Variants in UPP2 observed in about 807,000 individuals in gnomAD.
UPP2 encodes UPase 2.
UPP2 carries 23 observed loss-of-function variants against 26.7 expected under a neutral mutation model. The ratio of observed to expected loss-of-function variants is 0.86; its 90% CI spans 0.62 to 1.22. The LOEUF (loss-of-function observed/expected upper bound fraction) is 1.22. UPP2 is among the 50% of genes most tolerant of loss of function. The pLI, the probability that UPP2 is intolerant of heterozygous loss-of-function variation, is 0.00. For synonymous variants in UPP2, 127 were observed against 141.3 expected (o/e 0.90, Z 0.72); for missense variants, 387 against 396.7 (o/e 0.98, Z 0.21).
At chr2:158,089,485 C>T (rs1008269054) in intron 3 of UPP2, among the ~76,000 whole-genome samples, 4 of 152,166 alleles carry the variant, frequency 2.6e-5, no homozygotes, top group African/African-American at 9.7e-5. Flanking sequence ...TCTGCACTCC[C>T]GATTCAACCA....
intron 3 of UPP2, among the ~76,000 whole-genome samples, chr2:158,045,687 G>A (rs1314476445): frequency 6.6e-6 from 1 of 152,216 alleles, no homozygotes; most frequent in African/African-American, 2.4e-5. Context: ...AGGAAACAGA[G>A]TTTGGGGAGT....
rs1051066126 is a variant in UPP2, at chr2:158,121,991, G to A, written c.664+373G>A. The stretch of plus-strand genomic sequence containing the variant: ...TACCTCAAAAATGATCCTGTCCCCC[G>A]GAAACAGTGGTCCAGAAAATGGGGA... On this transcript the variant is annotated intron_variant, in intron 5 of 6. Coordinates refer to ENST00000005756, the MANE Select transcript of UPP2 (RefSeq NM_173355.4). Among the ~76,000 whole-genome samples, 7 of 151,910 alleles carry A rather than the reference G, an allele frequency of 4.6e-5. No individual in the cohort carries two copies. In the East Asian group the frequency reaches 7.7e-4, roughly 17 times the overall value.
At position 158,120,574 on chromosome 2, in the gene UPP2, A is replaced by G. The variant is rs535464577; in HGVS notation, c.455-835A>G. 1.0e-3 allele frequency among the ~76,000 whole-genome samples: 154 copies of G among 152,134 alleles called. 2 individuals carry two copies. The highest frequency in any genetic ancestry group is 1.8e-3 in the Non-Finnish European group (119 of 67,922). ...AAGATAAACAAATGGGTAATTATAAAAAGTGTTAGGACAGAGAGAGTCTAG... is the reference window on the plus strand; with the variant it reads ...AAGATAAACAAATGGGTAATTATAAGAAGTGTTAGGACAGAGAGAGTCTAG... On this transcript the variant is annotated intron_variant, in intron 4 of 6. Coordinates refer to ENST00000005756, the MANE Select transcript of UPP2 (RefSeq NM_173355.4).
intron 3 of UPP2, among the ~76,000 whole-genome samples, chr2:158,025,089 C>G (rs1239931412): frequency 1.3e-5 from 2 of 151,420 alleles, no homozygotes; most frequent in Non-Finnish European, 2.9e-5. Context: ...GTAATCCCAG[C>G]TACTTGGGAG....
chr2:158,115,410 C>T (rs1482806446), intron 3 of UPP2, 151 bp downstream of exon 3: 3 of 930,668 alleles, frequency 3.2e-6, no homozygotes, highest in Admixed American at 3.6e-5. Flanking sequence ...TGGAAAAAGC[C>T]CCCAGGGCAG....
intron 3 of UPP2, among the ~76,000 whole-genome samples, chr2:158,052,215 T>C (rs542680248): frequency 4.6e-4 from 70 of 152,272 alleles, no homozygotes; most frequent in African/African-American, 1.6e-3. Context: ...AATGGGAACA[T>C]GTCACCTGAA....
intron 2 of UPP2, among the ~76,000 whole-genome samples, chr2:158,012,068 T>C (rs1683587872): frequency 6.6e-6 from 1 of 152,162 alleles, no homozygotes; most frequent in African/African-American, 2.4e-5. Flanking sequence ...TCTTCTCCTC[T>C]GCGGTCCTGC....
intron 3 of UPP2, among the ~76,000 whole-genome samples, chr2:158,054,037 G>A (rs578062367): frequency 1.1e-4 from 16 of 152,286 alleles, no homozygotes; most frequent in African/African-American, 3.6e-4. Flanking sequence ...AAAGGAGACC[G>A]AGGTGGGTGG....
At chr2:158,111,021 A>C (rs942128124) in intron 2 of UPP2, among the ~76,000 whole-genome samples, 1 of 152,252 alleles carries the variant, frequency 6.6e-6, no homozygotes, top group East Asian at 1.9e-4. Context: ...ATTAGATCGC[A>C]TTTGTCAATT....
chr2:158,111,018 C>T (rs998580509), intron 2 of UPP2, among the ~76,000 whole-genome samples: 2 of 152,160 alleles, frequency 1.3e-5, no homozygotes, highest in Non-Finnish European at 2.9e-5. Context: ...TTAATTAGAT[C>T]GCATTTGTCA....
At chr2:158,013,948 C>A (rs577046477) in intron 2 of UPP2, among the ~76,000 whole-genome samples, 1 of 152,320 alleles carries the variant, frequency 6.6e-6, no homozygotes, top group South Asian at 2.1e-4. Context: ...CTAACAGTTA[C>A]AAGAACTGTT....
intron 3 of UPP2, among the ~76,000 whole-genome samples, chr2:158,036,685 A>G (rs929061907): frequency 1.3e-5 from 2 of 152,246 alleles, no homozygotes; most frequent in Non-Finnish European, 2.9e-5. Flanking sequence ...TGCTATGAAT[A>G]TAAATGTTTA....
chr2:158,037,433 T>C (rs1684021137), intron 3 of UPP2, among the ~76,000 whole-genome samples: 1 of 152,036 alleles, frequency 6.6e-6, no homozygotes, highest in African/African-American at 2.4e-5. Context: ...CTAGGGCTAT[T>C]GTAATAAAGT....
intron 3 of UPP2, among the ~76,000 whole-genome samples, chr2:158,084,227 T>G (rs577551546): frequency 6.6e-6 from 1 of 152,176 alleles, no homozygotes; most frequent in Non-Finnish European, 1.5e-5. Flanking sequence ...TCATATTGTG[T>G]TGTGGTTTTG....
At chr2:158,021,558 C>T (rs1683752692) in intron 3 of UPP2, among the ~76,000 whole-genome samples, 1 of 152,204 alleles carries the variant, frequency 6.6e-6, no homozygotes, top group Non-Finnish European at 1.5e-5. Context: ...ATGTTCTTAA[C>T]AAAGCTAGTT....
chr2:158,112,030 C>T lies in UPP2; in HGVS notation c.181-3071C>T, dbSNP rs78365488. On this transcript the variant is annotated intron_variant, in intron 2 of 6. Transcript: ENST00000005756. ...TAATATTGTTAAGATAACTATACTA[C>T]CAAAAATATTCTACAGATTCAATGC... Among the ~76,000 whole-genome samples the T allele has an allele frequency of 4.5e-3, 687 of 152,226 alleles. 2 individuals are homozygous for T. Among genetic ancestry groups the T allele is most frequent in the African/African-American group, 0.015 (619 of 41,548 alleles).
chr2:158,090,803 G>A (rs1169455066), intron 3 of UPP2, among the ~76,000 whole-genome samples: 1 of 152,164 alleles, frequency 6.6e-6, no homozygotes, highest in Admixed American at 6.6e-5. Context: ...AAGCTCATGA[G>A]CTGATGCCAC....
chr2:158,067,019 A>G (rs1324815372), intron 3 of UPP2, among the ~76,000 whole-genome samples: 1 of 152,130 alleles, frequency 6.6e-6, no homozygotes, highest in African/African-American at 2.4e-5. Flanking sequence ...TATTTATCAG[A>G]AGTTGTTTAC....
At chr2:158,028,134 C>T (rs552200848) in intron 3 of UPP2, among the ~76,000 whole-genome samples, 1 of 152,382 alleles carries the variant, frequency 6.6e-6, no homozygotes, top group African/African-American at 2.4e-5. Flanking sequence ...CAAATTTCTG[C>T]AGCTTGCTTG....
Sources: gnomAD v4.1 joint callset for allele counts (sites outside exome capture counted in the v4.1 genomes callset) on GRCh38, gnomAD v4.1.1 for gene constraint, MANE v1.5 for transcripts, NCBI Gene and HGNC (gene_info 2026-07-23, HGNC 2026-07-21) for gene names.